Variants in APBB2 observed in about 807,000 individuals in gnomAD.
APBB2 encodes the protein amyloid beta precursor protein binding family B member 2.
APBB2 carries 38 observed loss-of-function variants against 82.5 expected under a neutral mutation model. The observed-to-expected ratio is 0.46, with a 90% CI of 0.36 to 0.60. APBB2 has a LOEUF of 0.60. APBB2 is among the 20% of genes least tolerant of loss of function. APBB2 has a pLI of 0.00. For synonymous variants in APBB2, 341 were observed against 368.2 expected, an observed-to-expected ratio of 0.93 and a Z score of 0.85; for missense variants, 772 against 972.3, an observed-to-expected ratio of 0.79 and a Z score of 2.74.
Position 40,934,630 on chromosome 4 carries a change from C to T in APBB2, c.1177G>A (p.Ala393Thr). The T allele has an allele frequency of 6.2e-7, 1 of 1,613,916 alleles. No homozygotes were observed. The highest frequency in any genetic ancestry group is 8.5e-7 in the Non-Finnish European group (1 of 1,179,776). Reference sequence around the variant, plus strand: ...ATGTCCTACCTGAGTTTCAAAGATGCATAGCGTAGGGTTGCTCCTTCAAAC... The same window carrying T: ...ATGTCCTACCTGAGTTTCAAAGATGTATAGCGTAGGGTTGCTCCTTCAAAC... The part of the protein sequence containing the change: ...KEFEGATLRY[A>T]SLKLRNAPHP... The change falls in exon 9 of 18, where the codon GCA becomes ACA. Residue 393 changes from alanine to threonine, a missense_variant. Transcript: ENST00000508593.
At chr4:41,180,291 G>A (rs1770967181) in intron 1 of APBB2, among the ~76,000 whole-genome samples, 1 of 152,196 alleles carries the variant, frequency 6.6e-6, no homozygotes, top group Non-Finnish European at 1.5e-5. Context: ...GGGGTTATGT[G>A]TGCTTGATTC....
chr4:41,045,082 T>C (rs10433723), intron 4 of APBB2, among the ~76,000 whole-genome samples: 5,192 of 152,184 alleles, frequency 0.034, 149 homozygotes, highest in East Asian at 0.12. Context: ...AGGTCAGTAT[T>C]TGTAGTATTT....
intron 2 of APBB2, among the ~76,000 whole-genome samples, chr4:41,133,113 G>A (rs1756542223): frequency 6.6e-6 from 1 of 151,910 alleles, no homozygotes; most frequent in African/African-American, 2.4e-5. Context: ...GATTCCACAA[G>A]GCATTTTTTT....
intron 6 of APBB2, among the ~76,000 whole-genome samples, chr4:40,957,585 CTT>C (rs34411160): frequency 0.23 from 32,558 of 142,460 alleles, 3,857 homozygotes; most frequent in African/African-American, 0.31. Context: ...CCTCATATTC[CTT>C]TTTTTTTTTT....
rs1396510734 is a variant in APBB2 at position 41,125,627 on chromosome 4, T to TTTTTAAGTTC, written c.-261+17350_-261+17359dup. ...ATCTATTGGAATGTGAAATGAAAAC[T>TTTTTAAGTTC]TTTTAAGTTCTTTGGAAGACCTCTA... is the stretch of plus-strand genomic sequence containing the variant. On this transcript the variant is annotated intron_variant, in intron 2 of 17. Transcript: ENST00000508593. Among the ~76,000 whole-genome samples, 6 of 152,316 alleles carry TTTTTAAGTTC rather than the reference T, an allele frequency of 3.9e-5. No homozygotes were observed. The South Asian group carries it at 1.0e-3, about 26-fold the overall frequency.
At chr4:41,088,563 C>A (rs1447909027) in intron 3 of APBB2, among the ~76,000 whole-genome samples, 1 of 152,162 alleles carries the variant, frequency 6.6e-6, no homozygotes, top group African/African-American at 2.4e-5. Flanking sequence ...CAAGGAAAGA[C>A]TTGGGAGAAG....
At chr4:40,986,089 G>A (rs186721662) in intron 6 of APBB2, among the ~76,000 whole-genome samples, 7 of 152,220 alleles carry the variant, frequency 4.6e-5, no homozygotes, top group Admixed American at 1.3e-4. Flanking sequence ...GACCACACAA[G>A]AAAGCCAAAA....
intron 10 of APBB2, among the ~76,000 whole-genome samples, chr4:40,928,457 T>TAA (rs1560302503): frequency 6.6e-6 from 1 of 151,606 alleles, no homozygotes; most frequent in African/African-American, 2.4e-5. Flanking sequence ...CACATGCCTG[T>TAA]AATCCCAGCT....
chr4:41,049,112 G>C lies in APBB2; in HGVS notation c.-50-15808C>G, dbSNP rs558037265. 4.8e-3 allele frequency among the ~76,000 whole-genome samples: 725 copies of C among 150,830 alleles called. 18 individuals carry two copies. Among genetic ancestry groups the C allele is most frequent in the Admixed American group, 0.043 (655 of 15,188 alleles). On this transcript the variant is annotated intron_variant, in intron 4 of 17. Coordinates refer to ENST00000508593, the MANE Select transcript of APBB2 (RefSeq NM_004307.2). ...CGTCTGGGAAGTGAGGAGCGTCTCT[G>C]CCTGGCCGCCCATCGTCTGAGATGT...
Position 41,010,779 on chromosome 4 carries a change from G to GA in APBB2, c.835+2803dup, listed in dbSNP as rs551577979. Among the ~76,000 whole-genome samples, 3 of 152,154 alleles carry GA rather than the reference G, an allele frequency of 2.0e-5. No individual in the cohort carries two copies. In the South Asian group the frequency reaches 6.2e-4, roughly 32 times the overall value. On this transcript the variant is annotated intron_variant, in intron 6 of 17. Coordinates refer to ENST00000508593, the MANE Select transcript of APBB2 (RefSeq NM_004307.2). ...TGATCTACAAAATACGTTCTTACGT[G>GA]AAAAAAAGCAAAGCATTCATAAAAC...
chr4:41,059,748 A>G (rs1203952642), intron 4 of APBB2, among the ~76,000 whole-genome samples: 2 of 152,216 alleles, frequency 1.3e-5, no homozygotes, highest in Admixed American at 1.3e-4. Context: ...TTTGCTGTTA[A>G]TAAGTATGTG....
chr4:41,114,466 G>A (rs1271287983), intron 2 of APBB2, among the ~76,000 whole-genome samples: 1 of 152,116 alleles, frequency 6.6e-6, no homozygotes, highest in Non-Finnish European at 1.5e-5. Flanking sequence ...TGAAAGTTCT[G>A]GTCAGGGCAA....
At chr4:40,871,455 T>G (rs1040141606) in intron 12 of APBB2, among the ~76,000 whole-genome samples, 4 of 152,242 alleles carry the variant, frequency 2.6e-5, no homozygotes, top group African/African-American at 9.6e-5. Context: ...TCAACTCCTT[T>G]TCTGAAGTTT....
At chr4:40,829,834 C>T (rs536953242) in intron 13 of APBB2, among the ~76,000 whole-genome samples, 25 of 152,250 alleles carry the variant, frequency 1.6e-4, no homozygotes, top group Non-Finnish European at 2.5e-4. Context: ...AGTCTTGCCT[C>T]CCAGCTGGAC....
rs139179556 is a variant in APBB2 at position 41,132,041 on chromosome 4, AAAAT to A, written c.-261+10942_-261+10945del. ...GGCGACAGAGCAAGACTCTGTCTCA[AAAAT>A]AAATAAATAAATAAATAAATAAAAA... On this transcript the variant is annotated intron_variant, in intron 2 of 17. Coordinates refer to ENST00000508593, the MANE Select transcript of APBB2 (RefSeq NM_004307.2). 1.8e-4 allele frequency among the ~76,000 whole-genome samples: 27 copies of A among 147,828 alleles called. No homozygotes were observed. The South Asian group carries it at 2.6e-3, about 14-fold the overall frequency.
Position 40,813,371 on chromosome 4 carries a change from A to C in APBB2, c.*2721T>G, listed in dbSNP as rs986193662. 1.4e-4 allele frequency: 22 copies of C among 152,260 alleles called. No homozygotes were observed. The highest frequency in any genetic ancestry group is 1.4e-3 in the Admixed American group (21 of 15,286). 9.4% of individuals were successfully genotyped at this position (152,260 alleles called of 1,614,324 possible). ...ATGGTAAGACATAGAAGGCATCGTG[A>C]ACATGGCTGCCTGTTTACCGAATCA... On this transcript the variant is annotated 3_prime_UTR_variant, in exon 18 of 18. Coordinates refer to ENST00000508593, the MANE Select transcript of APBB2 (RefSeq NM_004307.2).
intron 10 of APBB2, among the ~76,000 whole-genome samples, chr4:40,909,009 C>T (rs1038616733): frequency 2.6e-5 from 4 of 152,190 alleles, no homozygotes; most frequent in Non-Finnish European, 4.4e-5. Context: ...ACACTGTTTT[C>T]CAGAGGTGTA....
chr4:41,079,651 T>C (rs1250310031), intron 3 of APBB2, among the ~76,000 whole-genome samples: 1 of 151,544 alleles, frequency 6.6e-6, no homozygotes, highest in Non-Finnish European at 1.5e-5. Context: ...CAGGTTCAAG[T>C]GATTCTCCTG....
At chr4:40,923,770 TG>T (rs1237763227) in intron 10 of APBB2, among the ~76,000 whole-genome samples, 1 of 152,192 alleles carries the variant, frequency 6.6e-6, no homozygotes, top group Non-Finnish European at 1.5e-5. Context: ...CAATGCATCT[TG>T]TTTCAACAGC....
Sources: allele counts gnomAD v4.1 joint callset (sites outside exome capture counted in the v4.1 genomes callset), GRCh38; gene constraint gnomAD v4.1.1; transcripts MANE v1.5; gene names NCBI Gene and HGNC (gene_info 2026-07-23, HGNC 2026-07-21).